Variants in PARN observed in about 807,000 individuals in gnomAD.
PARN encodes poly(A)-specific ribonuclease PARN.
Under a neutral mutation model 102.8 loss-of-function variants are expected in PARN, and 71 were observed. The observed-to-expected ratio is 0.69, with a 90% confidence interval of 0.57 to 0.84. The LOEUF is 0.84. Among genes scored for constraint, PARN ranks in the 40% least tolerant of loss-of-function variants. PARN has a pLI of 0.00. For missense variants in PARN, 782 were observed against 760.9 expected (o/e 1.03, Z -0.33); for synonymous variants, 261 against 252.9 (o/e 1.03, Z -0.30).
intron 22 of PARN, among the ~76,000 whole-genome samples, chr16:14,461,029 T>C (rs1010911770): frequency 2.0e-5 from 3 of 152,176 alleles, no homozygotes; most frequent in African/African-American, 7.2e-5. Flanking sequence ...TGATATGAAG[T>C]GATGAGGATG....
chr16:14,598,776 A>G (rs935399331), intron 12 of PARN, among the ~76,000 whole-genome samples: 1 of 152,130 alleles, frequency 6.6e-6, no homozygotes, highest in African/African-American at 2.4e-5. Flanking sequence ...CCTTCCCTAC[A>G]GCGCCCCTGT....
intron 21 of PARN, among the ~76,000 whole-genome samples, chr16:14,489,333 T>C (rs1188165396): frequency 6.6e-6 from 1 of 150,656 alleles, no homozygotes; most frequent in African/African-American, 2.5e-5. Flanking sequence ...TAATCCCAGC[T>C]ACTCGGGAGG....
intron 8 of PARN, 76 bp downstream of exon 8, chr16:14,608,982 G>T: frequency 1.3e-6 from 1 of 750,104 alleles, no homozygotes; most frequent in Non-Finnish European, 2.3e-6. Flanking sequence ...GTTTTTAAAA[G>T]ACTAGATGCA....
chr16:14,540,475 T>C (rs929738154), intron 21 of PARN, among the ~76,000 whole-genome samples: 1 of 152,218 alleles, frequency 6.6e-6, no homozygotes, highest in African/African-American at 2.4e-5. Flanking sequence ...TATATTGTAT[T>C]TCAGATATAA....
At chr16:14,598,650 T>C (rs1970674355) in intron 12 of PARN, among the ~76,000 whole-genome samples, 2 of 152,198 alleles carry the variant, frequency 1.3e-5, no homozygotes, top group South Asian at 4.1e-4. Context: ...TTTCCAACTT[T>C]CTATTCGACT....
intron 22 of PARN, among the ~76,000 whole-genome samples, chr16:14,464,244 T>C (rs1342551055): frequency 6.6e-6 from 1 of 152,062 alleles, no homozygotes; most frequent in Non-Finnish European, 1.5e-5. Flanking sequence ...CCAGGGCACA[T>C]CATAACCAAA....
chr16:14,558,017 C>G (rs1045772669), intron 18 of PARN, among the ~76,000 whole-genome samples: 1 of 152,110 alleles, frequency 6.6e-6, no homozygotes, highest in African/African-American at 2.4e-5. Flanking sequence ...GATAAGTTAA[C>G]TAACCTAGGA....
chr16:14,446,845 A>C, intron 23 of PARN, 43 bp downstream of exon 23: 1 of 1,439,716 alleles, frequency 6.9e-7, no homozygotes, highest in Non-Finnish European at 9.5e-7. Context: ...AGAGCATTTA[A>C]ATAGTCCACG....
intron 12 of PARN, among the ~76,000 whole-genome samples, chr16:14,596,890 G>C (rs1020502881): frequency 1.3e-5 from 2 of 151,164 alleles, no homozygotes; most frequent in African/African-American, 4.9e-5. Context: ...AGGTTCAAGC[G>C]ATTCTCCTGC....
At chr16:14,467,952 T>C (rs1176442236) in intron 22 of PARN, among the ~76,000 whole-genome samples, 3 of 152,232 alleles carry the variant, frequency 2.0e-5, no homozygotes, top group Non-Finnish European at 4.4e-5. Flanking sequence ...TTTTTCCAAG[T>C]GGCCACAAGG....
intron 16 of PARN, among the ~76,000 whole-genome samples, chr16:14,583,380 C>T (rs1172432928): frequency 2.0e-5 from 3 of 152,144 alleles, no homozygotes; most frequent in African/African-American, 4.8e-5. Flanking sequence ...TATGTCAATA[C>T]AATGCTCTTT....
intron 10 of PARN, among the ~76,000 whole-genome samples, chr16:14,604,808 G>A (rs201249472): frequency 2.6e-5 from 4 of 151,976 alleles, no homozygotes; most frequent in Admixed American, 6.6e-5. Context: ...TAGAGACAGG[G>A]TTTCACCATG....
chr16:14,612,385 C>A (rs1485492596), intron 6 of PARN, among the ~76,000 whole-genome samples: 1 of 151,470 alleles, frequency 6.6e-6, no homozygotes, highest in East Asian at 2.0e-4. Context: ...TACAGTGAGC[C>A]GAGATCGTGC....
chr16:14,494,052 T>C (rs1173551176), intron 21 of PARN, among the ~76,000 whole-genome samples: 1 of 152,094 alleles, frequency 6.6e-6, no homozygotes, highest in Non-Finnish European at 1.5e-5. Flanking sequence ...ACCCAACACA[T>C]CTTGAAAACA....
intron 13 of PARN, among the ~76,000 whole-genome samples, chr16:14,588,507 A>G (rs752797795): frequency 3.3e-5 from 5 of 152,204 alleles, no homozygotes; most frequent in Non-Finnish European, 7.3e-5. Context: ...GCCAAGCTCT[A>G]TTCAGTATTC....
intron 13 of PARN, chr16:14,591,789 G>C (rs1171943611): frequency 6.6e-6 from 1 of 152,212 alleles, no homozygotes; most frequent in African/African-American, 2.4e-5. Flanking sequence ...TGTAATCCCA[G>C]CACTTTAGGA....
chr16:14,545,064 TG>T (rs903512426), intron 21 of PARN, among the ~76,000 whole-genome samples: 1 of 152,092 alleles, frequency 6.6e-6, no homozygotes, highest in Non-Finnish European at 1.5e-5. Context: ...AGCGTGTGTC[TG>T]CAGTCCCAGC....
chr16:14,502,522 C>T (rs1964677353), intron 21 of PARN, among the ~76,000 whole-genome samples: 1 of 152,224 alleles, frequency 6.6e-6, no homozygotes, highest in African/African-American at 2.4e-5. Context: ...GAATCTACAT[C>T]TCCCATTTCA....
At chr16:14,613,631 T>C (rs1265738986) in intron 6 of PARN, among the ~76,000 whole-genome samples, 1 of 151,634 alleles carries the variant, frequency 6.6e-6, no homozygotes, top group African/African-American at 2.4e-5. Flanking sequence ...AAAACAACAA[T>C]AACAACAAAG....
Sources: allele counts gnomAD v4.1 joint callset (sites outside exome capture counted in the v4.1 genomes callset), GRCh38; gene constraint gnomAD v4.1.1; transcripts MANE v1.5; gene names NCBI Gene and HGNC (gene_info 2026-07-23, HGNC 2026-07-21).